CTNNA3: variants seen among roughly 807,000 people sequenced by gnomAD.
The protein encoded by CTNNA3 is catenin alpha-3.
CTNNA3 carries 76 observed loss-of-function variants against 95.7 expected under a neutral mutation model. The ratio of observed to expected loss-of-function variants is 0.79; its 90% CI spans 0.66 to 0.96. The LOEUF (loss-of-function observed/expected upper bound fraction) is 0.96. CTNNA3 is among the 40% of genes least tolerant of loss of function. The pLI is 0.00. For synonymous variants in CTNNA3, 431 were observed against 374.4 expected (o/e 1.15, Z -1.74); for missense variants, 1,191 against 1,089.8 (o/e 1.09, Z -1.31).
At chr10:67,757,014 A>G (rs1310823887) in intron 1 of CTNNA3, among the ~76,000 whole-genome samples, 1 of 152,262 alleles carries the variant, frequency 6.6e-6, no homozygotes. Flanking sequence ...TTCACAACAA[A>G]AAAAGATAAT....
At chr10:66,904,912 C>T (rs909150828) in intron 7 of CTNNA3, among the ~76,000 whole-genome samples, 2 of 152,168 alleles carry the variant, frequency 1.3e-5, no homozygotes, top group Non-Finnish European at 2.9e-5. Context: ...AACGCTTTTA[C>T]ACCGTTGATG....
At chr10:66,870,319 G>A (rs948837173) in intron 7 of CTNNA3, among the ~76,000 whole-genome samples, 1 of 152,050 alleles carries the variant, frequency 6.6e-6, no homozygotes, top group African/African-American at 2.4e-5. Context: ...CTATACCAAC[G>A]GATGTTTTGC....
At chr10:67,196,126 G>A (rs916342467) in intron 6 of CTNNA3, among the ~76,000 whole-genome samples, 3 of 151,982 alleles carry the variant, frequency 2.0e-5, no homozygotes, top group Non-Finnish European at 4.4e-5. Flanking sequence ...TTTTCCTTAT[G>A]ATTACCAATA....
chr10:66,980,545 C>CG (rs1850366624), intron 7 of CTNNA3, among the ~76,000 whole-genome samples: 1 of 148,280 alleles, frequency 6.7e-6, no homozygotes, highest in African/African-American at 2.5e-5. Flanking sequence ...GAACAGGAAC[C>CG]AAAACTATTG....
At chr10:67,653,112 G>T (rs1839924069) in intron 1 of CTNNA3, among the ~76,000 whole-genome samples, 1 of 152,180 alleles carries the variant, frequency 6.6e-6, no homozygotes, top group African/African-American at 2.4e-5. Flanking sequence ...GAGGCCTCAG[G>T]GAGCTTTTAC....
At chr10:67,630,387 T>C (rs972627525) in intron 2 of CTNNA3, among the ~76,000 whole-genome samples, 1 of 152,188 alleles carries the variant, frequency 6.6e-6, no homozygotes, top group African/African-American at 2.4e-5. Flanking sequence ...ATTTCCCCAG[T>C]TGCAATGACA....
intron 1 of CTNNA3, among the ~76,000 whole-genome samples, chr10:67,751,886 C>T (rs1486197362): frequency 6.7e-6 from 1 of 149,616 alleles, no homozygotes; most frequent in Non-Finnish European, 1.5e-5. Context: ...GCCAATTCAA[C>T]CAGAGGTTCA....
intron 7 of CTNNA3, among the ~76,000 whole-genome samples, chr10:66,822,633 T>G (rs893020342): frequency 2.6e-5 from 4 of 152,214 alleles, no homozygotes; most frequent in African/African-American, 9.6e-5. Context: ...TTAAACACTT[T>G]CAATAGTAGA....
At position 66,063,227 on chromosome 10, in the gene CTNNA3, G is replaced by GAT. The variant is rs1464980328; in HGVS notation, c.2159+6079_2159+6080dup. 5.4e-3 allele frequency among the ~76,000 whole-genome samples: 509 copies of GAT among 93,426 alleles called. 4 individuals carry two copies. Among genetic ancestry groups the GAT allele is most frequent in the Non-Finnish European group, 9.2e-3 (391 of 42,712 alleles). The allele number at this position is 93,426 out of a possible 152,430, so 61.3% of individuals were successfully genotyped here. On this transcript the variant is annotated intron_variant, in intron 15 of 17. Transcript: ENST00000433211. Reference sequence around the variant, plus strand: ...ATATATATATATAGATATAGATATAGATAGATAGATAGATAGATAGATAGA... The same window carrying GAT: ...ATATATATATATAGATATAGATATAGATATAGATAGATAGATAGATAGATAGA...
intron 13 of CTNNA3, among the ~76,000 whole-genome samples, chr10:66,167,843 C>A (rs1316695864): frequency 6.6e-6 from 1 of 152,130 alleles, no homozygotes; most frequent in African/African-American, 2.4e-5. Context: ...ACTGAGGAGT[C>A]CCAAGGCACA....
intron 13 of CTNNA3, among the ~76,000 whole-genome samples, chr10:66,270,132 T>C (rs1364611884): frequency 6.6e-6 from 1 of 151,110 alleles, no homozygotes; most frequent in Admixed American, 6.6e-5. Context: ...TGTCCTTAAT[T>C]CCTTGGGGTC....
chr10:67,487,637 T>C (rs1260258574), intron 5 of CTNNA3, among the ~76,000 whole-genome samples: 1 of 152,226 alleles, frequency 6.6e-6, no homozygotes, highest in Non-Finnish European at 1.5e-5. Context: ...GGATGAGCTC[T>C]GAAAAGCTAG....
At chr10:66,880,968 T>C (rs1432726587) in intron 7 of CTNNA3, among the ~76,000 whole-genome samples, 1 of 152,060 alleles carries the variant, frequency 6.6e-6, no homozygotes, top group East Asian at 1.9e-4. Flanking sequence ...TCTGCATGTG[T>C]CAGCACAGGG....
intron 7 of CTNNA3, among the ~76,000 whole-genome samples, chr10:66,923,863 TA>T (rs1260677609): frequency 6.6e-6 from 1 of 152,212 alleles, no homozygotes; most frequent in African/African-American, 2.4e-5. Flanking sequence ...GTGACTGATA[TA>T]AAAACATATT....
At chr10:66,687,358 C>A (rs1286823955) in intron 9 of CTNNA3, among the ~76,000 whole-genome samples, 2 of 152,070 alleles carry the variant, frequency 1.3e-5, no homozygotes, top group African/African-American at 2.4e-5. Flanking sequence ...TGATGCCTCC[C>A]ATTTCTTCTC....
At chr10:66,542,101 A>AAGAAGACATTTATGCAGCC (rs1841874432) in intron 10 of CTNNA3, among the ~76,000 whole-genome samples, 1 of 152,182 alleles carries the variant, frequency 6.6e-6, no homozygotes. Flanking sequence ...CACTTCTCAA[A>AAGAAGACATTTATGCAGCC]AGAAGACATT....
chr10:66,317,524 T>C (rs748165015), intron 12 of CTNNA3, among the ~76,000 whole-genome samples: 7 of 151,750 alleles, frequency 4.6e-5, no homozygotes, highest in African/African-American at 7.3e-5. Context: ...ATACAAAAGA[T>C]TAGCTGGACG....
intron 1 of CTNNA3, among the ~76,000 whole-genome samples, chr10:67,664,920 AG>A (rs1840293036): frequency 6.6e-6 from 1 of 152,334 alleles, no homozygotes; most frequent in South Asian, 2.1e-4. Context: ...CAAAAACTAC[AG>A]GGAAAAATCC....
chr10:66,565,225 T>A (rs1482179599), intron 10 of CTNNA3, among the ~76,000 whole-genome samples: 2 of 152,162 alleles, frequency 1.3e-5, no homozygotes, highest in Non-Finnish European at 2.9e-5. Flanking sequence ...CAATTTGTTG[T>A]TAGGTACTAC....
Sources: allele counts gnomAD v4.1 joint callset (sites outside exome capture counted in the v4.1 genomes callset), GRCh38; gene constraint gnomAD v4.1.1; transcripts MANE v1.5; gene names NCBI Gene and HGNC (gene_info 2026-07-23, HGNC 2026-07-21).